The following USP6NL variants were observed in gnomAD, a reference collection of about 807,000 sequenced individuals.
USP6NL encodes the protein USP6 N-terminal like, also known as USP6 N-terminal-like protein.
A neutral mutation model predicts 61.9 loss-of-function variants in USP6NL; 26 were observed. That is an observed-to-expected ratio of 0.42 (90% CI 0.31 to 0.58). The LOEUF (loss-of-function observed/expected upper bound fraction) is 0.58. Ranked by LOEUF, USP6NL falls within the 20% of genes least tolerant of loss-of-function variation. The pLI, the probability that USP6NL is intolerant of heterozygous loss-of-function variation, is 0.16. For missense variants in USP6NL, 1,114 were observed against 1,034.3 expected (o/e 1.08, Z -1.06); for synonymous variants, 432 against 390.1 (o/e 1.11, Z -1.27).
chr10:11,549,112 T>C (rs1469114940), intron 2 of USP6NL, among the ~76,000 whole-genome samples: 2 of 152,152 alleles, frequency 1.3e-5, no homozygotes, highest in Non-Finnish European at 2.9e-5. Flanking sequence ...TACTCTAAAA[T>C]AGACAGTCTA....
chr10:11,593,577 C>T (rs1200845325), intron 2 of USP6NL, among the ~76,000 whole-genome samples: 1 of 152,094 alleles, frequency 6.6e-6, no homozygotes, highest in African/African-American at 2.4e-5. Flanking sequence ...TACTAAAAAT[C>T]AAAAGGCTTT....
intron 2 of USP6NL, among the ~76,000 whole-genome samples, chr10:11,581,579 T>C (rs866310021): frequency 1.0e-3 from 157 of 152,264 alleles, no homozygotes; most frequent in African/African-American, 3.7e-3. Flanking sequence ...ATGAAAAAAA[T>C]GTGAGAGATG....
At chr10:11,609,984 G>C (rs1334474011) in intron 1 of USP6NL, among the ~76,000 whole-genome samples, 1 of 152,244 alleles carries the variant, frequency 6.6e-6, no homozygotes, top group East Asian at 1.9e-4. Context: ...AAACTAAGTA[G>C]GCACCAAAAC....
Position 11,548,021 on chromosome 10 carries a change from G to A in USP6NL, c.5-20454C>T, listed in dbSNP as rs1591914967. Among the ~76,000 whole-genome samples, 2 of 152,080 alleles carry A rather than the reference G, an allele frequency of 1.3e-5. No individual in the cohort carries two copies. Among genetic ancestry groups the A allele is most frequent in the African/African-American group, 2.4e-5 (1 of 41,412 alleles). ...CTCTCACAAATGATGATATCCCCTCGATAACATCTCTTAATAAGTGATCAC... is the reference window on the plus strand; with the variant it reads ...CTCTCACAAATGATGATATCCCCTCAATAACATCTCTTAATAAGTGATCAC... On this transcript the variant is annotated intron_variant, in intron 2 of 14. Transcript: ENST00000609104. The surrounding 1 kb of genome is among the most constrained non-coding windows in gnomAD (Gnocchi z 4.3).
At position 11,466,890 on chromosome 10, in the gene USP6NL, C is replaced by A. The variant is rs199757343; in HGVS notation, c.1079-3041G>T. Among the ~76,000 whole-genome samples the A allele has an allele frequency of 6.6e-5, 10 of 152,290 alleles. No homozygotes were observed. In the East Asian group the frequency reaches 1.9e-3, roughly 29 times the overall value. On this transcript the variant is annotated intron_variant, in intron 14 of 14. Transcript: ENST00000609104. ...AGATAGAAATGGGACAGTGAAAATA[C>A]GCTATTTTCGGCTCACAGGGCCAGC...
chr10:11,467,776 T>C (rs1832537060), intron 14 of USP6NL, among the ~76,000 whole-genome samples: 1 of 152,266 alleles, frequency 6.6e-6, no homozygotes, highest in Non-Finnish European at 1.5e-5. Context: ...AGTTTTTAAA[T>C]GCTCTTAGAT....
chr10:11,498,484 T>C (rs942883570), intron 7 of USP6NL, among the ~76,000 whole-genome samples: 2 of 151,802 alleles, frequency 1.3e-5, no homozygotes, highest in African/African-American at 4.8e-5. Context: ...CTTGCTAACC[T>C]TGGGGTGAAA....
At position 11,547,742 on chromosome 10, in the gene USP6NL, G is replaced by A. The variant is rs1426586483; in HGVS notation, c.5-20175C>T. ...TTTTTAGTAGAGACGGGGTGTCACC[G>A]TGTTATCCAGGATGGTCTCGATCTC... On this transcript the variant is annotated intron_variant, in intron 2 of 14. Transcript: ENST00000609104. Among the ~76,000 whole-genome samples, 9 of 151,988 alleles carry A rather than the reference G, an allele frequency of 5.9e-5. No homozygotes were observed. In the South Asian group the frequency reaches 6.2e-4, roughly 11 times the overall value.
rs558378932 is a variant in USP6NL at position 11,489,004 on chromosome 10, A to G, written c.664+98T>C. The G allele has an allele frequency of 4.0e-6, 6 of 1,499,314 alleles. No individual in the cohort carries two copies. The South Asian group carries it at 5.4e-5, about 13-fold the overall frequency. The allele number at this position is 1,499,314 out of a possible 1,614,324, so 92.9% of individuals were successfully genotyped here. On this transcript the variant is annotated intron_variant, in intron 10 of 14. Coordinates refer to ENST00000609104, the MANE Select transcript of USP6NL (RefSeq NM_014688.5). The surrounding 1 kb of genome is among the most constrained non-coding windows in gnomAD (Gnocchi z 5.7). ...GAACTCAACGAGCCCTGAGACATTA[A>G]ATTTGCTGTATGTAACTCTTGCAAG...
chr10:11,542,428 C>T (rs1342177632), intron 2 of USP6NL, among the ~76,000 whole-genome samples: 1 of 152,074 alleles, frequency 6.6e-6, no homozygotes, highest in African/African-American at 2.4e-5. Flanking sequence ...CCTAAAATAG[C>T]ATGGTAGAGG....
chr10:11,488,052 AT>A (rs1833547640), intron 10 of USP6NL, among the ~76,000 whole-genome samples: 2 of 152,216 alleles, frequency 1.3e-5, no homozygotes, highest in African/African-American at 4.8e-5. Context: ...AATCATTTAA[AT>A]TTGATGGCAC....
chr10:11,526,434 G>A (rs1835423679), intron 3 of USP6NL, among the ~76,000 whole-genome samples: 1 of 151,982 alleles, frequency 6.6e-6, no homozygotes, highest in Admixed American at 6.6e-5. Flanking sequence ...AATTGTGTGG[G>A]GAAAAAAATG....
rs916211892 is a variant in USP6NL, at chr10:11,540,336, A to G, written c.5-12769T>C. ...TGTTTTAGGATAATAACAAGAAATG[A>G]TCTGGAAACATGTAAAAATTTGACA... On this transcript the variant is annotated intron_variant, in intron 2 of 14. Coordinates refer to ENST00000609104, the MANE Select transcript of USP6NL (RefSeq NM_014688.5). The surrounding 1 kb of genome is among the most constrained non-coding windows in gnomAD (Gnocchi z 5.0). 6.6e-6 allele frequency among the ~76,000 whole-genome samples: 1 copy of G among 152,212 alleles called. No homozygotes were observed. Among genetic ancestry groups the G allele is most frequent in the Admixed American group, 6.5e-5 (1 of 15,288 alleles).
chr10:11,508,977 T>C (rs919324895), intron 6 of USP6NL, among the ~76,000 whole-genome samples: 3 of 152,220 alleles, frequency 2.0e-5, no homozygotes, highest in African/African-American at 7.2e-5. Context: ...TTTGGAAAAC[T>C]TCTACCACCA....
chr10:11,526,501 A>G (rs1278886210), intron 3 of USP6NL, among the ~76,000 whole-genome samples: 4 of 152,348 alleles, frequency 2.6e-5, no homozygotes, highest in African/African-American at 9.6e-5. Flanking sequence ...AAGCAGTTAA[A>G]TAAGTTAACT....
At chr10:11,579,765 G>A (rs1053354249) in intron 2 of USP6NL, among the ~76,000 whole-genome samples, 2 of 144,302 alleles carry the variant, frequency 1.4e-5, no homozygotes, top group Admixed American at 6.9e-5. Context: ...TCATGGGGGA[G>A]ATAGACTAGA....
At chr10:11,556,290 A>T (rs1836703657) in intron 2 of USP6NL, among the ~76,000 whole-genome samples, 1 of 152,232 alleles carries the variant, frequency 6.6e-6, no homozygotes, top group Non-Finnish European at 1.5e-5. Context: ...CTAAAGAATA[A>T]CAAAATGATT....
At position 11,537,240 on chromosome 10, in the gene USP6NL, T is replaced by C. The variant is rs1397348050; in HGVS notation, c.5-9673A>G. Among the ~76,000 whole-genome samples the C allele has an allele frequency of 1.3e-5, 2 of 152,104 alleles. No homozygotes were observed. The highest frequency in any genetic ancestry group is 2.9e-5 in the Non-Finnish European group (2 of 68,000). On this transcript the variant is annotated intron_variant, in intron 2 of 14. Coordinates refer to ENST00000609104, the MANE Select transcript of USP6NL (RefSeq NM_014688.5). This position sits in a 1 kb window ranked among gnomAD's most constrained non-coding sequence, Gnocchi z 5.1. ...CCACCTCAGCCTCCTGAGTCCTAAGTAGCTGGGACTACAGGCGCATGCTAC... is the reference window on the plus strand; with the variant it reads ...CCACCTCAGCCTCCTGAGTCCTAAGCAGCTGGGACTACAGGCGCATGCTAC...
At chr10:11,547,757 G>A (rs950792631) in intron 2 of USP6NL, among the ~76,000 whole-genome samples, 1 of 152,044 alleles carries the variant, frequency 6.6e-6, no homozygotes, top group South Asian at 2.1e-4. Context: ...ATCCAGGATG[G>A]TCTCGATCTC....
Sources: gnomAD v4.1 joint callset for allele counts (sites outside exome capture counted in the v4.1 genomes callset) on GRCh38, gnomAD v4.1.1 for gene constraint, Gnocchi (gnomAD v3.1) non-coding constraint, MANE v1.5 for transcripts, NCBI Gene and HGNC (gene_info 2026-07-23, HGNC 2026-07-21) for gene names.